SLC18A1: variants seen among roughly 807,000 people sequenced by gnomAD.
SLC18A1 encodes the protein solute carrier family 18 member A1.
In SLC18A1, 69 loss-of-function variants were observed where a neutral mutation model predicts 53.7. The ratio of observed to expected loss-of-function variants is 1.28; its 90% confidence interval spans 1.06 to 1.57. The LOEUF (loss-of-function observed/expected upper bound fraction) is 1.57. SLC18A1 is among the 40% of genes most tolerant of loss of function. The probability of loss-of-function intolerance (pLI) is 0.00; values close to 1 mark genes in which losing one functional copy is unlikely to be tolerated. For missense variants in SLC18A1, 932 were observed against 668.1 expected (o/e 1.40, Z -4.35); for synonymous variants, 320 against 248.1 (o/e 1.29, Z -2.72).
intron 6 of SLC18A1, 93 bp downstream of exon 6, chr8:20,172,943 G>T: frequency 1.1e-6 from 1 of 871,390 alleles, no homozygotes; most frequent in Non-Finnish European, 1.9e-6. Flanking sequence ...AGGCCAACAA[G>T]GGAAGGAAAA....
chr8:20,170,395 A>G (rs2072082393), intron 8 of SLC18A1, among the ~76,000 whole-genome samples: 1 of 152,188 alleles, frequency 6.6e-6, no homozygotes, highest in African/African-American at 2.4e-5. Flanking sequence ...GTGCGTGAAA[A>G]GCCCTGAAGA....
chr8:20,173,046 C>G lies in SLC18A1; in HGVS notation c.714G>C (p.Leu238Phe), dbSNP rs1368772932. 5 of 1,587,792 alleles carry G rather than the reference C, an allele frequency of 3.1e-6. No homozygotes were observed. The highest frequency in any genetic ancestry group is 3.4e-6 in the Non-Finnish European group (4 of 1,167,504). ...GCTGGTGCCACTTACCCAGCAACCC[C>G]AAGGCCAGGCCCCCCAGAGCAGTTC... is the stretch of plus-strand genomic sequence containing the variant. Reference protein sequence around the residue: ...AMGTALGGLALGLLVGAPFGS... With the variant: ...AMGTALGGLAFGLLVGAPFGS... Residue 238 changes from leucine to phenylalanine, a missense_variant, in exon 6 of 16, where the codon TTG becomes TTC. Leu to Phe is a conservative substitution (Grantham distance 22, BLOSUM62 0). Transcript: ENST00000276373.
At position 20,174,463 on chromosome 8, in the gene SLC18A1, A is replaced by C. The variant is rs368796447; in HGVS notation, c.548-19T>G. On this transcript the variant is annotated intron_variant, in intron 4 of 15. Coordinates refer to ENST00000276373, the MANE Select transcript of SLC18A1 (RefSeq NM_003053.4). ...GCAAACACTGGGCAGAGAGAATAGC[A>C]AGATAACTGCAGTTAGCAAATTGCC... 111 of 1,587,804 alleles carry C rather than the reference A, an allele frequency of 7.0e-5. No individual in the cohort carries two copies. The highest frequency in any genetic ancestry group is 4.8e-4 in the Admixed American group (29 of 59,848).
chr8:20,145,617 G>C lies in SLC18A1; in HGVS notation c.*146C>G. The C allele has an allele frequency of 1.9e-6, 1 of 528,386 alleles. No individual in the cohort carries two copies. 32.7% of individuals were successfully genotyped at this position (528,386 alleles called of 1,614,324 possible). ...TTACACAGGTGAGAAGAGTATCAGGGACAGTGTCCATGGGAGGGGAGGAAA... is the reference window on the plus strand; with the variant it reads ...TTACACAGGTGAGAAGAGTATCAGGCACAGTGTCCATGGGAGGGGAGGAAA... On this transcript the variant is annotated 3_prime_UTR_variant, in exon 16 of 16. Coordinates refer to ENST00000276373, the MANE Select transcript of SLC18A1 (RefSeq NM_003053.4).
At chr8:20,150,188 C>G (rs1239782264) in intron 11 of SLC18A1, among the ~76,000 whole-genome samples, 1 of 152,162 alleles carries the variant, frequency 6.6e-6, no homozygotes, top group African/African-American at 2.4e-5. Context: ...ATGCTAAACT[C>G]CAAAGATAAA....
At chr8:20,166,797 G>C (rs1007101002) in intron 8 of SLC18A1, among the ~76,000 whole-genome samples, 1 of 152,070 alleles carries the variant, frequency 6.6e-6, no homozygotes, top group Non-Finnish European at 1.5e-5. Flanking sequence ...GGTAATTAAG[G>C]TTAAATGAGG....
Position 20,148,079 on chromosome 8 carries a change from G to A in SLC18A1, c.1147-9C>T, listed in dbSNP as rs1307068477. 5.0e-6 allele frequency: 8 copies of A among 1,613,792 alleles called. No individual in the cohort carries two copies. The highest frequency in any genetic ancestry group is 6.8e-6 in the Non-Finnish European group (8 of 1,179,830). On this transcript the variant is annotated splice_polypyrimidine_tract_variant and intron_variant, in intron 12 of 15. Transcript: ENST00000276373. ...TTGTGAGCCAGAGGAACCTGCATGG[G>A]GAAGGAGGAAGAGTCATCAGGACTC...
intron 11 of SLC18A1, among the ~76,000 whole-genome samples, chr8:20,150,053 C>G (rs1373296219): frequency 7.9e-5 from 12 of 152,192 alleles, no homozygotes; most frequent in Non-Finnish European, 1.8e-4. Context: ...CATGCTGTTG[C>G]CCAGCTCAGA....
At chr8:20,147,466 C>G in intron 14 of SLC18A1, 75 bp from the exon 15 acceptor site, 2 of 1,575,744 alleles carry the variant, frequency 1.3e-6, no homozygotes, top group Non-Finnish European at 8.6e-7. Flanking sequence ...GGACACTATG[C>G]TAGGGGCAGT....
At chr8:20,179,551 G>T in intron 2 of SLC18A1, 67 bp from the exon 3 acceptor site, 3 of 1,540,486 alleles carry the variant, frequency 1.9e-6, no homozygotes, top group Non-Finnish European at 2.6e-6. Flanking sequence ...GAAACTCAAG[G>T]GGCTAAGGAC....
At chr8:20,182,736 T>C (rs1252397022) in intron 1 of SLC18A1, among the ~76,000 whole-genome samples, 1 of 152,190 alleles carries the variant, frequency 6.6e-6, no homozygotes, top group East Asian at 1.9e-4. Flanking sequence ...AACCAAATTC[T>C]CAGTTAAGTT....
rs2072314635 is a variant in SLC18A1 at position 20,178,585 on chromosome 8, C to T, written c.489-92G>A. ...TTAAATGTAAGTGGGAGCAGAAATGCAGCTATTTGGGTGTATGGTAAAACA... is the reference window on the plus strand; with the variant it reads ...TTAAATGTAAGTGGGAGCAGAAATGTAGCTATTTGGGTGTATGGTAAAACA... On this transcript the variant is annotated intron_variant, in intron 3 of 15. Coordinates refer to ENST00000276373, the MANE Select transcript of SLC18A1 (RefSeq NM_003053.4). The T allele has an allele frequency of 7.9e-6, 7 of 888,376 alleles. No individual in the cohort carries two copies. In the Admixed American group the frequency reaches 9.5e-5, roughly 12 times the overall value. 55.0% of individuals were successfully genotyped at this position (888,376 alleles called of 1,614,324 possible).
At position 20,181,064 on chromosome 8, in the gene SLC18A1, G is replaced by C. The variant is rs769739755; in HGVS notation, c.-100C>G. On this transcript the variant is annotated 5_prime_UTR_variant, in exon 2 of 16. Transcript: ENST00000276373. The stretch of plus-strand genomic sequence containing the variant: ...CAGCCTTTATGGAAGAGGGGAGGGA[G>C]TCTGCCCAGACGAAGGAAACTCACT... The C allele has an allele frequency of 3.5e-6, 5 of 1,416,254 alleles. No homozygotes were observed. The highest frequency in any genetic ancestry group is 1.4e-5 in the South Asian group (1 of 72,370). The allele number at this position is 1,416,254 out of a possible 1,614,324, so 87.7% of individuals were successfully genotyped here. A position where few individuals can be genotyped will look rare whatever the true frequency, so the allele number is the denominator to read the frequency against.
intron 10 of SLC18A1, among the ~76,000 whole-genome samples, chr8:20,158,611 A>C (rs987782688): frequency 6.6e-6 from 1 of 152,124 alleles, no homozygotes; most frequent in Non-Finnish European, 1.5e-5. Flanking sequence ...ATTGTTAAGG[A>C]CCTAAAAGCC....
chr8:20,172,997 C>T lies in SLC18A1; in HGVS notation c.724+39G>A, dbSNP rs1027029416. 2.1e-6 allele frequency: 3 copies of T among 1,425,572 alleles called. No homozygotes were observed. In the African/African-American group the frequency reaches 4.2e-5, roughly 20 times the overall value. 88.3% of individuals were successfully genotyped at this position (1,425,572 alleles called of 1,614,324 possible). On this transcript the variant is annotated intron_variant, in intron 6 of 15. Transcript: ENST00000276373. The stretch of plus-strand genomic sequence containing the variant: ...CGGGAACACCTGCTTCCTAGAGTCC[C>T]ACCCTCCCGAACCCAGAGCTCCAGC...
At chr8:20,148,187 C>T in intron 12 of SLC18A1, 117 bp from the exon 13 acceptor site, 1 of 852,176 alleles carries the variant, frequency 1.2e-6, no homozygotes, top group East Asian at 2.6e-5. Flanking sequence ...CCACATACAT[C>T]ATCCTCCTGC....
chr8:20,147,452 C>T (rs1055201315), intron 14 of SLC18A1, 61 bp from the exon 15 acceptor site: 109 of 1,580,252 alleles, frequency 6.9e-5, no homozygotes, highest in African/African-American at 8.1e-5. Flanking sequence ...GCATCCTCCA[C>T]GTAGGACACT....
intron 15 of SLC18A1, among the ~76,000 whole-genome samples, chr8:20,146,552 G>A (rs1184576026): frequency 6.6e-6 from 1 of 152,124 alleles, no homozygotes; most frequent in Non-Finnish European, 1.5e-5. Flanking sequence ...TGCAGTAAGA[G>A]GAAAGTGCTT....
chr8:20,167,976 G>C (rs2072012328), intron 8 of SLC18A1, among the ~76,000 whole-genome samples: 1 of 151,952 alleles, frequency 6.6e-6, no homozygotes, highest in Admixed American at 6.6e-5. Flanking sequence ...GGCTCCTTGG[G>C]GAAATGAATT....
Sources: allele counts gnomAD v4.1 joint callset (sites outside exome capture counted in the v4.1 genomes callset), GRCh38; gene constraint gnomAD v4.1.1; transcripts MANE v1.5; gene names NCBI Gene and HGNC (gene_info 2026-07-23, HGNC 2026-07-21).